REG4: variants seen among roughly 807,000 people sequenced by gnomAD.
REG4 encodes regenerating family member 4.
In REG4, 16 loss-of-function variants were observed where a neutral mutation model predicts 22.3. That is an observed-to-expected ratio of 0.72 (90% CI 0.49 to 1.09). The LOEUF is 1.09. REG4 is among the 50% of genes least tolerant of loss of function. The pLI, the probability that REG4 is intolerant of heterozygous loss-of-function variation, is 0.00. For missense variants in REG4, 214 were observed against 193.9 expected, an observed-to-expected ratio of 1.10 and a Z score of -0.61; for synonymous variants, 71 against 69.2, an observed-to-expected ratio of 1.03 and a Z score of -0.13.
chr1:119,802,626 T>A (rs946732690), intron 3 of REG4: 21 of 1,341,566 alleles, frequency 1.6e-5, no homozygotes, highest in Non-Finnish European at 1.8e-5. Flanking sequence ...AGTTTCCACA[T>A]TTTCTTGGAC....
intron 2 of REG4, among the ~76,000 whole-genome samples, chr1:119,807,096 T>C (rs1426040147): frequency 6.6e-6 from 1 of 152,218 alleles, no homozygotes; most frequent in Non-Finnish European, 1.5e-5. Flanking sequence ...ATGATGTTGC[T>C]CTATGTCTCT....
intron 5 of REG4, among the ~76,000 whole-genome samples, chr1:119,794,994 C>T (rs773747986): frequency 6.6e-6 from 1 of 152,176 alleles, no homozygotes; most frequent in Non-Finnish European, 1.5e-5. Context: ...AATTCTGCCT[C>T]CAGACCGTCT....
At chr1:119,805,828 C>A (rs1228491545) in intron 2 of REG4, among the ~76,000 whole-genome samples, 1 of 152,172 alleles carries the variant, frequency 6.6e-6, no homozygotes, top group Non-Finnish European at 1.5e-5. Context: ...CACTTCATCT[C>A]TCTCCCCTCC....
At chr1:119,802,795 G>T in intron 3 of REG4, 1 of 1,485,962 alleles carries the variant, frequency 6.7e-7, no homozygotes, top group South Asian at 1.4e-5. Context: ...CTCCTTTACT[G>T]ACAGTGAGCT....
chr1:119,803,429 G>A (rs768705187), intron 2 of REG4, among the ~76,000 whole-genome samples: 3 of 152,094 alleles, frequency 2.0e-5, no homozygotes, highest in Admixed American at 6.5e-5. Flanking sequence ...ACGTCACTGC[G>A]GTCCACCAGT....
rs375961503 is a variant in REG4, at chr1:119,805,875, G to A, written c.68-2710C>T. 5.9e-5 allele frequency among the ~76,000 whole-genome samples: 9 copies of A among 151,912 alleles called. No individual in the cohort carries two copies. The East Asian group carries it at 7.8e-4, about 13-fold the overall frequency. ...CACTCTGCAAGTTGCGGCTGTGGCC[G>A]TGAGCTCCTTGGTGGAGACATTTTA... On this transcript the variant is annotated intron_variant, in intron 2 of 5. Transcript: ENST00000256585.
chr1:119,798,097 C>T (rs934622454), intron 5 of REG4, among the ~76,000 whole-genome samples: 25 of 152,110 alleles, frequency 1.6e-4, no homozygotes, highest in African/African-American at 5.6e-4. Context: ...CATGGCAAAC[C>T]CTCATTTTAA....
At chr1:119,800,550 T>A (rs957890476) in intron 3 of REG4, among the ~76,000 whole-genome samples, 5 of 152,284 alleles carry the variant, frequency 3.3e-5, no homozygotes, top group African/African-American at 1.2e-4. Context: ...GGATCAGGAA[T>A]GGGCAACTGG....
intron 4 of REG4, among the ~76,000 whole-genome samples, chr1:119,799,409 TACAC>T (rs58324924): frequency 0.023 from 3,451 of 150,316 alleles, 62 homozygotes; most frequent in South Asian, 0.044. Flanking sequence ...CCTGTGTGCG[TACAC>T]ACACACACAC....
chr1:119,803,937 C>A (rs1361884484), intron 2 of REG4, among the ~76,000 whole-genome samples: 1 of 152,088 alleles, frequency 6.6e-6, no homozygotes, highest in East Asian at 1.9e-4. Flanking sequence ...GCAACCATGG[C>A]AGAAATAGGA....
chr1:119,807,258 G>C (rs587740271), intron 2 of REG4, among the ~76,000 whole-genome samples: 113 of 152,310 alleles, frequency 7.4e-4, no homozygotes, highest in African/African-American at 2.6e-3. Flanking sequence ...TTTCTCTTAA[G>C]TACAGCAGTG....
chr1:119,802,929 C>T, intron 3 of REG4, 139 bp downstream of exon 3: 1 of 1,559,766 alleles, frequency 6.4e-7, no homozygotes, highest in Admixed American at 2.0e-5. Context: ...CAACCCTCTT[C>T]TCTCCATTTC....
rs1366055171 is a variant in REG4 at position 119,803,147 on chromosome 1, C to G, written c.86G>C (p.Ser29Thr). 5.3e-6 allele frequency: 8 copies of G among 1,523,182 alleles called. No individual in the cohort carries two copies. The highest frequency in any genetic ancestry group is 7.0e-6 in the Non-Finnish European group (8 of 1,137,926). The allele number at this position is 1,523,182 out of a possible 1,614,324, so 94.4% of individuals were successfully genotyped here. A position where few individuals can be genotyped will look rare whatever the true frequency, so the allele number is the denominator to read the frequency against. Residue 29 changes from serine (S) to threonine (T), a missense_variant, in exon 3 of 6, where the codon AGC becomes ACC. Transcript: ENST00000256585. ...GVLGDIIMRP[S>T]CAPGWFYHKS... ...GTGGTAAAACCATCCAGGAGCACAG[C>G]TGGGTCTCATGATGATATCTGCACA...
rs116158391 is a variant in REG4 at position 119,795,917 on chromosome 1, C to A, written c.410-1232G>T. On this transcript the variant is annotated intron_variant, in intron 5 of 5. Coordinates refer to ENST00000256585, the MANE Select transcript of REG4 (RefSeq NM_032044.4). ...CCTTTTGAGGTTGCTGCCCATTGAG[C>A]CTGTGGATAAGCTAGAATAGCAGCT... Among the ~76,000 whole-genome samples, 653 of 152,344 alleles carry A rather than the reference C, an allele frequency of 4.3e-3. 8 individuals carry two copies. Among genetic ancestry groups the A allele is most frequent in the African/African-American group, 0.015 (630 of 41,582 alleles).
intron 2 of REG4, among the ~76,000 whole-genome samples, chr1:119,804,169 G>A (rs956017884): frequency 6.6e-6 from 1 of 152,204 alleles, no homozygotes; most frequent in African/African-American, 2.4e-5. Flanking sequence ...TGGGTGAAAA[G>A]TGTTTCCTTC....
rs1653882267 is a variant in REG4 at position 119,794,690 on chromosome 1, A to T, written c.410-5T>A. ...TGCTGCTCCAAGTTAAAAAGTCTGTAAGAAAATAAACAGATATTTAAATCC... is the reference window on the plus strand; with the variant it reads ...TGCTGCTCCAAGTTAAAAAGTCTGTTAGAAAATAAACAGATATTTAAATCC... On this transcript the variant is annotated splice_region_variant and splice_polypyrimidine_tract_variant and intron_variant, in intron 5 of 5. Transcript: ENST00000256585. 1 of 1,613,454 alleles carries T rather than the reference A, an allele frequency of 6.2e-7. No individual in the cohort carries two copies. The highest frequency in any genetic ancestry group is 1.3e-5 in the African/African-American group (1 of 74,904).
intron 1 of REG4, among the ~76,000 whole-genome samples, chr1:119,810,277 A>G (rs987458971): frequency 6.6e-6 from 1 of 152,224 alleles, no homozygotes; most frequent in African/African-American, 2.4e-5. Flanking sequence ...TAACATAAGT[A>G]TGAAACTGAG....
chr1:119,809,474 T>C (rs587711530), intron 1 of REG4, among the ~76,000 whole-genome samples: 1 of 152,130 alleles, frequency 6.6e-6, no homozygotes, highest in East Asian at 1.9e-4. Context: ...TATTAGAAAA[T>C]CAATGCAAAA....
rs1053277717 is a variant in REG4, at chr1:119,794,489, G to A, written c.*129C>T. 13 of 840,122 alleles carry A rather than the reference G, an allele frequency of 1.5e-5. No individual in the cohort carries two copies. Among genetic ancestry groups the A allele is most frequent in the African/African-American group, 3.4e-5 (2 of 58,912 alleles). 52.0% of individuals were successfully genotyped at this position (840,122 alleles called of 1,614,324 possible). On this transcript the variant is annotated 3_prime_UTR_variant, in exon 6 of 6. Coordinates refer to ENST00000256585, the MANE Select transcript of REG4 (RefSeq NM_032044.4). ...TCTGTCTCTAAGCCTAAAAAAGCCA[G>A]TGTAGTAGGGCCCTTATCACTCTTA...
Sources: allele counts gnomAD v4.1 joint callset (sites outside exome capture counted in the v4.1 genomes callset), GRCh38; gene constraint gnomAD v4.1.1; transcripts MANE v1.5; gene names NCBI Gene and HGNC (gene_info 2026-07-23, HGNC 2026-07-21).